Variants in PRMT9 observed in about 807,000 individuals in gnomAD.
PRMT9 encodes the protein protein arginine N-methyltransferase 9.
A neutral mutation model predicts 83.2 loss-of-function variants in PRMT9; 59 were observed. The ratio of observed to expected loss-of-function variants is 0.71; its 90% CI spans 0.57 to 0.88. PRMT9 has a LOEUF of 0.88. Ranked by LOEUF, PRMT9 falls within the 40% of genes least tolerant of loss-of-function variation. The pLI, the probability that PRMT9 is intolerant of heterozygous loss-of-function variation, is 0.00. For synonymous variants in PRMT9, 333 were observed against 353.2 expected, an observed-to-expected ratio of 0.94 and a Z score of 0.64; for missense variants, 947 against 1,021.9, an observed-to-expected ratio of 0.93 and a Z score of 1.00.
chr4:147,651,770 T>C (rs1258332703), intron 9 of PRMT9, among the ~76,000 whole-genome samples: 1 of 152,214 alleles, frequency 6.6e-6, no homozygotes, highest in Admixed American at 6.5e-5. Flanking sequence ...TCTCAAGAGT[T>C]AGTTAAACTC....
chr4:147,646,904 T>C (rs1295266997), intron 9 of PRMT9, among the ~76,000 whole-genome samples: 1 of 152,112 alleles, frequency 6.6e-6, no homozygotes, highest in African/African-American at 2.4e-5. Context: ...AAATCTAACA[T>C]AGCTCACTCC....
intron 8 of PRMT9, among the ~76,000 whole-genome samples, chr4:147,657,560 A>G (rs537971882): frequency 3.3e-5 from 5 of 152,070 alleles, no homozygotes; most frequent in East Asian, 3.9e-4. Flanking sequence ...ATCAGAGCTG[A>G]AGAAATAATG....
intron 6 of PRMT9, among the ~76,000 whole-genome samples, chr4:147,666,572 T>A (rs997164318): frequency 6.6e-6 from 1 of 152,220 alleles, no homozygotes; most frequent in Non-Finnish European, 1.5e-5. Context: ...GATGTATTTG[T>A]CTTTCTGCAT....
chr4:147,682,844 T>C (rs1005229532), intron 1 of PRMT9, among the ~76,000 whole-genome samples: 4 of 152,182 alleles, frequency 2.6e-5, no homozygotes, highest in Non-Finnish European at 1.5e-5. Flanking sequence ...ATCTAGACGC[T>C]ACTGACATTT....
chr4:147,650,288 A>T (rs1363630630), intron 9 of PRMT9, among the ~76,000 whole-genome samples: 1 of 152,224 alleles, frequency 6.6e-6, no homozygotes, highest in East Asian at 1.9e-4. Context: ...GAAAAACAAC[A>T]ACAAAAACCT....
intron 9 of PRMT9, among the ~76,000 whole-genome samples, chr4:147,646,882 T>C (rs77450566): frequency 0.021 from 3,135 of 152,280 alleles, 106 homozygotes; most frequent in African/African-American, 0.068. Flanking sequence ...GCAAAAATTA[T>C]GGCAGTGCAA....
intron 8 of PRMT9, among the ~76,000 whole-genome samples, chr4:147,655,367 T>C (rs1223001103): frequency 6.6e-6 from 1 of 151,818 alleles, no homozygotes; most frequent in East Asian, 1.9e-4. Flanking sequence ...CTTGCTATTT[T>C]ACCCAGGCTG....
chr4:147,662,491 T>C (rs1735034988), intron 6 of PRMT9, among the ~76,000 whole-genome samples: 1 of 152,168 alleles, frequency 6.6e-6, no homozygotes, highest in Non-Finnish European at 1.5e-5. Flanking sequence ...GCTATAACAA[T>C]GTTTGATGTC....
chr4:147,656,944 C>A (rs1021873502), intron 8 of PRMT9, among the ~76,000 whole-genome samples: 5 of 151,548 alleles, frequency 3.3e-5, no homozygotes, highest in African/African-American at 1.2e-4. Flanking sequence ...GGTAGTTTTT[C>A]TATATAATTC....
At chr4:147,681,870 T>C (rs1190361519) in intron 1 of PRMT9, among the ~76,000 whole-genome samples, 2 of 151,476 alleles carry the variant, frequency 1.3e-5, no homozygotes, top group African/African-American at 2.4e-5. Flanking sequence ...AGTTTGGGTA[T>C]GGGGAATAGA....
In PRMT9 at chr4:147,683,854, T is replaced by A. The variant is rs1353218347; in HGVS notation, c.134A>T (p.Tyr45Phe). The A allele has an allele frequency of 1.2e-6, 2 of 1,613,064 alleles. No homozygotes were observed. The highest frequency in any genetic ancestry group is 1.7e-6 in the Non-Finnish European group (2 of 1,179,888). Residue 45 changes from tyrosine to phenylalanine, a missense_variant, in exon 1 of 12, where the codon TAT (tyrosine) becomes TTT (phenylalanine). Coordinates refer to ENST00000322396, the MANE Select transcript of PRMT9 (RefSeq NM_138364.4). ...CLGVQDFGTA[Y>F]AHYLLVLSLA... ...GCTGAGCACGAGGAGGTAGTGGGCA[T>A]AGGCAGTGCCGAAGTCCTGGACGCC...
chr4:147,644,989 G>C (rs898344061), intron 9 of PRMT9, among the ~76,000 whole-genome samples: 1 of 152,128 alleles, frequency 6.6e-6, no homozygotes. Flanking sequence ...ATACTAGGCA[G>C]GTGAACTTTA....
intron 7 of PRMT9, among the ~76,000 whole-genome samples, chr4:147,658,595 A>G (rs905528186): frequency 4.6e-5 from 7 of 152,236 alleles, no homozygotes; most frequent in African/African-American, 1.7e-4. Context: ...AAAATTTTAA[A>G]AAGCCTTAAA....
At chr4:147,678,224 T>C (rs1736225244) in intron 2 of PRMT9, among the ~76,000 whole-genome samples, 1 of 152,222 alleles carries the variant, frequency 6.6e-6, no homozygotes, top group African/African-American at 2.4e-5. Flanking sequence ...TCATTATTCA[T>C]AACATTAAGG....
chr4:147,661,217 C>G, intron 6 of PRMT9, 179 bp from the exon 7 acceptor site: 1 of 500,914 alleles, frequency 2.0e-6, no homozygotes, highest in Non-Finnish European at 3.5e-6. Flanking sequence ...TAAAGGAAAA[C>G]AACTATAAAT....
intron 10 of PRMT9, among the ~76,000 whole-genome samples, chr4:147,640,090 T>TTTA (rs758063617): frequency 3.5e-5 from 2 of 57,780 alleles, no homozygotes; most frequent in African/African-American, 1.3e-4. Flanking sequence ...TTTTTTTTTT[T>TTTA]AATATAGGGT....
In PRMT9 at chr4:147,642,830, C is replaced by T. The variant is rs143676403; in HGVS notation, c.2156G>A (p.Arg719His). The T allele has an allele frequency of 5.6e-6, 9 of 1,613,666 alleles. No homozygotes were observed. Among genetic ancestry groups the T allele is most frequent in the Admixed American group, 3.3e-5 (2 of 60,002 alleles). Residue 719 changes from arginine (R) to histidine (H), a missense_variant, in exon 10 of 12, where the codon CGT (arginine) becomes CAT (histidine). Transcript: ENST00000322396. ...AGGTGCTATATTTAATCCAAGAGTA[C>T]GTTCTGTTCCTTGAACAGCATTCTC... ...LEENAVQGTE[R>H]TLGLNIAPFI...
At position 147,668,635 on chromosome 4, in the gene PRMT9, T is replaced by C. The variant is rs139463307; in HGVS notation, c.857A>G (p.Glu286Gly). The C allele has an allele frequency of 5.8e-4, 932 of 1,596,982 alleles. 1 individual carries two copies. The highest frequency in any genetic ancestry group is 7.5e-4 in the Non-Finnish European group (877 of 1,164,794). ...CCCATACTTTTCACAATTAGCACTT[T>C]CACCTTTGGTCTAAAAAAAATAACA... is the stretch of plus-strand genomic sequence containing the variant. ...HLLLQPKTKGESANCEKYGKV... is the reference protein window; with the variant it reads ...HLLLQPKTKGGSANCEKYGKV... Residue 286 changes from glutamate to glycine, a missense_variant, in exon 6 of 12, where the codon GAA (glutamate) becomes GGA (glycine). Transcript: ENST00000322396.
intron 9 of PRMT9, among the ~76,000 whole-genome samples, chr4:147,650,281 AAAC>A (rs918842647): frequency 4.6e-5 from 7 of 152,244 alleles, no homozygotes; most frequent in Non-Finnish European, 8.8e-5. Context: ...CTCTAAAGAA[AAAC>A]AACAACAAAA....
Sources: allele counts gnomAD v4.1 joint callset (sites outside exome capture counted in the v4.1 genomes callset), GRCh38; gene constraint gnomAD v4.1.1; transcripts MANE v1.5; gene names NCBI Gene and HGNC (gene_info 2026-07-23, HGNC 2026-07-21).